Variants in SGCD observed in about 807,000 individuals in gnomAD.
SGCD encodes the protein sarcoglycan delta.
In SGCD, 18 loss-of-function variants were observed where a neutral mutation model predicts 36.6. The ratio of observed to expected loss-of-function variants is 0.49; its 90% CI spans 0.34 to 0.73. The LOEUF is 0.73. Among genes scored for constraint, SGCD ranks in the 30% least tolerant of loss-of-function variants. SGCD has a pLI of 0.01. For missense variants in SGCD, 387 were observed against 346.7 expected (o/e 1.12, Z -0.92); for synonymous variants, 133 against 130.6 (o/e 1.02, Z -0.12).
chr5:156,343,481 T>G (rs1193897501), intron 2 of SGCD, among the ~76,000 whole-genome samples: 1 of 152,232 alleles, frequency 6.6e-6, no homozygotes, highest in Non-Finnish European at 1.5e-5. Flanking sequence ...TTGTAGTACT[T>G]TGTTATTTTC....
intron 1 of SGCD, among the ~76,000 whole-genome samples, chr5:156,027,876 G>T (rs1248425529): frequency 6.6e-6 from 1 of 152,116 alleles, no homozygotes; most frequent in Non-Finnish European, 1.5e-5. Context: ...GTGAGTGCCT[G>T]GTCTTTGCTT....
rs540824919 is a variant in SGCD, at chr5:156,242,184, T to C, written c.-43-87350T>C. 3.2e-4 allele frequency among the ~76,000 whole-genome samples: 48 copies of C among 152,294 alleles called. 1 individual carries two copies. Among genetic ancestry groups the C allele is most frequent in the Middle Eastern group, 6.8e-3 (2 of 294 alleles). ...CATATTATTCAGAAATAAAAATAAA[T>C]GGACTATTGCTAAGTTCAAAATCTT... On this transcript the variant is annotated intron_variant, in intron 3 of 9. Coordinates refer to the SGCD transcript ENST00000517913.
chr5:155,841,920 G>A, the SGCD span, among the ~76,000 whole-genome samples: 1 of 152,100 alleles, frequency 6.6e-6, no homozygotes. Context: ...TTCTGGTGGT[G>A]GGGTGGGTCA....
chr5:156,421,568 T>A (rs1263617777), intron 3 of SGCD, among the ~76,000 whole-genome samples: 4 of 152,000 alleles, frequency 2.6e-5, no homozygotes, highest in Admixed American at 6.6e-5. Flanking sequence ...TACAATCATC[T>A]CTTAAGTGAA....
At chr5:155,884,163 A>C (rs1755952445) in intron 1 of SGCD, among the ~76,000 whole-genome samples, 1 of 152,156 alleles carries the variant, frequency 6.6e-6, no homozygotes, top group African/African-American at 2.4e-5. Flanking sequence ...CCTAACGATG[A>C]TGAATCCTTT....
At chr5:156,589,202 C>T (rs1760618805) in intron 4 of SGCD, 29 bp from the exon 5 acceptor site, 2 of 1,437,374 alleles carry the variant, frequency 1.4e-6, no homozygotes, top group Admixed American at 2.0e-5. Flanking sequence ...CTATCATTTT[C>T]ATGTCTTTCT....
chr5:156,721,602 C>T (rs1755503701), intron 7 of SGCD, among the ~76,000 whole-genome samples: 2 of 152,110 alleles, frequency 1.3e-5, no homozygotes, highest in South Asian at 4.2e-4. Context: ...AATTTGGGAT[C>T]AATGGATCTA....
At chr5:155,991,919 G>A (rs1199821306) in intron 1 of SGCD, among the ~76,000 whole-genome samples, 1 of 152,130 alleles carries the variant, frequency 6.6e-6, no homozygotes, top group East Asian at 1.9e-4. Context: ...GATAGCACTG[G>A]GGGATAAGAA....
At chr5:156,441,717 T>C (rs1753498625) in intron 3 of SGCD, among the ~76,000 whole-genome samples, 2 of 152,188 alleles carry the variant, frequency 1.3e-5, no homozygotes, top group African/African-American at 4.8e-5. Context: ...GTCACCTGTA[T>C]AAGTATAGAG....
At chr5:156,121,600 C>T (rs951739246) in intron 2 of SGCD, among the ~76,000 whole-genome samples, 47 of 151,946 alleles carry the variant, frequency 3.1e-4, no homozygotes, top group African/African-American at 4.3e-4. Context: ...TTTATGTTAC[C>T]GCAATGAGGG....
the SGCD span, among the ~76,000 whole-genome samples, chr5:155,737,956 CT>C: frequency 6.6e-6 from 1 of 152,106 alleles, no homozygotes; most frequent in African/African-American, 2.4e-5. Flanking sequence ...TCTGGCTTTT[CT>C]GTGAGCCTTG....
chr5:156,683,289 T>G (rs943158962), intron 7 of SGCD, among the ~76,000 whole-genome samples: 2 of 152,224 alleles, frequency 1.3e-5, no homozygotes, highest in African/African-American at 2.4e-5. Context: ...TGTTGCACAT[T>G]CACTTTTAGG....
chr5:156,312,921 G>A (rs557914620), intron 3 of SGCD, among the ~76,000 whole-genome samples: 24 of 152,136 alleles, frequency 1.6e-4, no homozygotes, highest in Middle Eastern at 3.4e-3. Flanking sequence ...ATGACTATTC[G>A]TTTATTTTTT....
At chr5:156,037,002 T>C (rs966826402) in intron 1 of SGCD, among the ~76,000 whole-genome samples, 20 of 152,164 alleles carry the variant, frequency 1.3e-4, no homozygotes, top group African/African-American at 4.6e-4. Context: ...TGGAAATTGA[T>C]CAGATTGTGT....
At position 156,343,526 on chromosome 5, in the gene SGCD, A is replaced by G. The variant is rs934665919; in HGVS notation, c.4-963A>G. ...TGATAGGCATTTTCTAGCTTTATTT[A>G]TATTTAATTTTAAAATTTGTTTTGG... is the stretch of plus-strand genomic sequence containing the variant. On this transcript the variant is annotated intron_variant, in intron 2 of 8. Transcript: ENST00000337851. Among the ~76,000 whole-genome samples, 7 of 152,282 alleles carry G rather than the reference A, an allele frequency of 4.6e-5. No individual in the cohort carries two copies. In the East Asian group the frequency reaches 1.3e-3, roughly 29 times the overall value.
chr5:156,198,280 A>C (rs1326263656), intron 3 of SGCD, among the ~76,000 whole-genome samples: 2 of 152,078 alleles, frequency 1.3e-5, no homozygotes, highest in Non-Finnish European at 2.9e-5. Context: ...CCAAGTAAAA[A>C]CTTGGCCTTG....
intron 3 of SGCD, among the ~76,000 whole-genome samples, chr5:156,404,888 C>T (rs1772331007): frequency 6.6e-6 from 1 of 152,148 alleles, no homozygotes; most frequent in Non-Finnish European, 1.5e-5. Context: ...ATATTCTTTC[C>T]TTTCAGTGAG....
chr5:156,068,551 T>C (rs1044696820), intron 1 of SGCD, among the ~76,000 whole-genome samples: 3 of 151,864 alleles, frequency 2.0e-5, no homozygotes, highest in South Asian at 2.1e-4. Context: ...GTTCCAAGTC[T>C]TTGCTATTGT....
the SGCD span, among the ~76,000 whole-genome samples, chr5:155,862,846 A>G: frequency 1.3e-5 from 2 of 152,194 alleles, no homozygotes; most frequent in Admixed American, 6.5e-5. Flanking sequence ...TTTATGTGCC[A>G]TGTGCTCTAT....
Sources: allele counts gnomAD v4.1 joint callset (sites outside exome capture counted in the v4.1 genomes callset), GRCh38; gene constraint gnomAD v4.1.1; transcripts MANE v1.5; gene names NCBI Gene and HGNC (gene_info 2026-07-23, HGNC 2026-07-21).